The following RCOR1 variants were observed in gnomAD, a reference collection of about 807,000 sequenced individuals.
The protein encoded by RCOR1 is REST corepressor 1.
RCOR1 carries 12 observed loss-of-function variants against 64.0 expected under a neutral mutation model. That is an observed-to-expected ratio of 0.19 (90% confidence interval 0.12 to 0.30). The LOEUF is 0.30. Ranked by LOEUF, RCOR1 falls within the 10% of genes least tolerant of loss-of-function variation. The probability of loss-of-function intolerance (pLI) is 1.00; values close to 1 mark genes in which losing one functional copy is unlikely to be tolerated. For synonymous variants in RCOR1, 279 were observed against 227.2 expected, an observed-to-expected ratio of 1.23 and a Z score of -2.05; for missense variants, 502 against 621.2, an observed-to-expected ratio of 0.81 and a Z score of 2.04.
At chr14:102,638,928 G>T (rs1894300889) in intron 2 of RCOR1, among the ~76,000 whole-genome samples, 1 of 152,216 alleles carries the variant, frequency 6.6e-6, no homozygotes, top group Non-Finnish European at 1.5e-5. Context: ...CTCTGAAAGT[G>T]CTGGGATTGC....
chr14:102,668,938 T>C (rs967860504), intron 2 of RCOR1, among the ~76,000 whole-genome samples: 3 of 152,146 alleles, frequency 2.0e-5, no homozygotes, highest in African/African-American at 7.2e-5. Context: ...GAGCTGGTGA[T>C]TGGAAATCAT....
Position 102,667,455 on chromosome 14 carries a change from G to A in RCOR1, c.362-14440G>A, listed in dbSNP as rs117445701. On this transcript the variant is annotated intron_variant, in intron 2 of 11. Transcript: ENST00000262241. ...GATGGAGGTTGCAGTGAGCTGACAT[G>A]GTACCACTGTGCTCCAGCCTTGGCA... 6.6e-3 allele frequency among the ~76,000 whole-genome samples: 999 copies of A among 151,954 alleles called. 4 individuals are homozygous for A. Among genetic ancestry groups the A allele is most frequent in the Non-Finnish European group, 0.012 (786 of 67,962 alleles).
rs138610513 is a variant in RCOR1, at chr14:102,634,949, C to A, written c.361+41624C>A. On this transcript the variant is annotated intron_variant, in intron 2 of 11. Coordinates refer to ENST00000262241, the MANE Select transcript of RCOR1 (RefSeq NM_015156.4). ...TCTCAAACTCCTGACCTCAGGTGAT[C>A]CGCCCACCTCGGCCTCCCAAAGTGA... Among the ~76,000 whole-genome samples the A allele has an allele frequency of 6.0e-3, 909 of 151,202 alleles. 12 individuals carry two copies. Among genetic ancestry groups the A allele is most frequent in the African/African-American group, 0.021 (876 of 41,136 alleles).
intron 2 of RCOR1, among the ~76,000 whole-genome samples, chr14:102,614,887 A>G (rs1893720695): frequency 6.6e-6 from 1 of 150,638 alleles, no homozygotes; most frequent in Non-Finnish European, 1.5e-5. Flanking sequence ...GCTGGAGTGC[A>G]GTGGCGTGAT....
chr14:102,655,633 C>T (rs1388025894), intron 2 of RCOR1: 3 of 406,764 alleles, frequency 7.4e-6, no homozygotes, highest in East Asian at 3.2e-4. Flanking sequence ...CCCTATCTCC[C>T]ACTGGTTGTA....
chr14:102,661,316 C>G (rs570179034), intron 2 of RCOR1, among the ~76,000 whole-genome samples: 7 of 152,112 alleles, frequency 4.6e-5, no homozygotes, highest in Non-Finnish European at 8.8e-5. Context: ...CCGCTGCACT[C>G]CAGCCTGGGC....
At chr14:102,628,379 A>G (rs1425614575) in intron 2 of RCOR1, among the ~76,000 whole-genome samples, 1 of 152,120 alleles carries the variant, frequency 6.6e-6, no homozygotes, top group African/African-American at 2.4e-5. Context: ...TCTTCACTTG[A>G]CATTTAGAAC....
intron 2 of RCOR1, among the ~76,000 whole-genome samples, chr14:102,646,534 A>G (rs1332845912): frequency 6.6e-6 from 1 of 152,244 alleles, no homozygotes; most frequent in East Asian, 1.9e-4. Flanking sequence ...ATAGGATTGC[A>G]GGACAAATTT....
At chr14:102,709,202 T>C (rs919120383) in intron 6 of RCOR1, among the ~76,000 whole-genome samples, 2 of 152,168 alleles carry the variant, frequency 1.3e-5, no homozygotes, top group East Asian at 1.9e-4. Context: ...TACACTGGGA[T>C]GTTTAAGGTC....
intron 2 of RCOR1, among the ~76,000 whole-genome samples, chr14:102,608,571 A>C: frequency 6.7e-6 from 1 of 148,774 alleles, no homozygotes; most frequent in Non-Finnish European, 1.5e-5. Context: ...AGTAGCTGGG[A>C]TTATAGGTGC....
In RCOR1 at chr14:102,727,561, G is replaced by C. The variant is rs770456102; in HGVS notation, c.*1055G>C. ...GTTTATGAAAGCTGCGCGTTGTTCC[G>C]CGTTCTCTCGGTGTGCCTGGCCTTT... On this transcript the variant is annotated 3_prime_UTR_variant, in exon 12 of 12. Coordinates refer to ENST00000262241, the MANE Select transcript of RCOR1 (RefSeq NM_015156.4). The C allele has an allele frequency of 3.9e-5, 6 of 152,178 alleles. No individual in the cohort carries two copies. The highest frequency in any genetic ancestry group is 9.7e-5 in the African/African-American group (4 of 41,394). 9.4% of individuals were successfully genotyped at this position (152,178 alleles called of 1,614,324 possible).
At chr14:102,662,391 G>C (rs1233119921) in intron 2 of RCOR1, 2 of 563,260 alleles carry the variant, frequency 3.6e-6, no homozygotes, top group Non-Finnish European at 6.9e-6. Context: ...TTGATCTGGT[G>C]CCTGTTGGCT....
intron 8 of RCOR1, among the ~76,000 whole-genome samples, chr14:102,718,428 GA>G (rs1896110280): frequency 6.6e-6 from 1 of 152,198 alleles, no homozygotes; most frequent in Non-Finnish European, 1.5e-5. Context: ...CTACCAGCGA[GA>G]AGGGGGCTGG....
intron 4 of RCOR1, among the ~76,000 whole-genome samples, chr14:102,703,761 T>C (rs567938101): frequency 6.6e-6 from 1 of 152,202 alleles, no homozygotes; most frequent in African/African-American, 2.4e-5. Context: ...AGCCCATGAA[T>C]AAAAAAAGTT....
intron 2 of RCOR1, among the ~76,000 whole-genome samples, chr14:102,627,407 A>G (rs1459835259): frequency 6.6e-6 from 1 of 152,162 alleles, no homozygotes; most frequent in Non-Finnish European, 1.5e-5. Flanking sequence ...CCGTAATCCC[A>G]ACACTTTGGG....
At chr14:102,616,133 T>C (rs1417856770) in intron 2 of RCOR1, among the ~76,000 whole-genome samples, 3 of 152,190 alleles carry the variant, frequency 2.0e-5, no homozygotes, top group Admixed American at 1.3e-4. Context: ...TTGACTTCAA[T>C]TACTTTGCTA....
At chr14:102,717,112 T>C (rs1896081641) in intron 8 of RCOR1, among the ~76,000 whole-genome samples, 1 of 152,242 alleles carries the variant, frequency 6.6e-6, no homozygotes. Context: ...TTTTTATAAT[T>C]ATTTTTGCCT....
At chr14:102,663,401 T>G (rs1894862231) in intron 2 of RCOR1, among the ~76,000 whole-genome samples, 1 of 152,246 alleles carries the variant, frequency 6.6e-6, no homozygotes, top group Non-Finnish European at 1.5e-5. Context: ...GCCAAACTTT[T>G]GCAAAGAATT....
At chr14:102,636,037 A>G (rs1366993171) in intron 2 of RCOR1, among the ~76,000 whole-genome samples, 1 of 148,258 alleles carries the variant, frequency 6.7e-6, no homozygotes, top group Non-Finnish European at 1.5e-5. Context: ...GGTTCACGCC[A>G]TTCTCCCACC....
Sources: gnomAD v4.1 joint callset for allele counts (sites outside exome capture counted in the v4.1 genomes callset) on GRCh38, gnomAD v4.1.1 for gene constraint, MANE v1.5 for transcripts, NCBI Gene and HGNC (gene_info 2026-07-23, HGNC 2026-07-21) for gene names.